KCNH8: variants seen among roughly 807,000 people sequenced by gnomAD.
KCNH8 encodes potassium voltage-gated channel subfamily H member 8.
In KCNH8, 70 loss-of-function variants were observed where a neutral mutation model predicts 103.6. The ratio of observed to expected loss-of-function variants is 0.68; its 90% CI spans 0.56 to 0.82. The LOEUF (loss-of-function observed/expected upper bound fraction) is 0.82, where lower values mean the gene tolerates loss of function less well. Among genes scored for constraint, KCNH8 ranks in the 40% least tolerant of loss-of-function variants. The probability of loss-of-function intolerance (pLI) is 0.00; values close to 1 mark genes in which losing one functional copy is unlikely to be tolerated. For missense variants in KCNH8, 1,217 were observed against 1,329.9 expected (o/e 0.92, Z 1.32); for synonymous variants, 498 against 489.4 (o/e 1.02, Z -0.23).
At position 19,390,471 on chromosome 3, in the gene KCNH8, T is replaced by C. The variant is rs745844874; in HGVS notation, c.812-10T>C. The C allele has an allele frequency of 5.6e-6, 9 of 1,599,288 alleles. 1 individual carries two copies. The highest frequency in any genetic ancestry group is 5.6e-5 in the South Asian group (5 of 89,858). ...TCCTTTTATTTCTCAACCTTTTTTT[T>C]CCCAAGCAGATATTATTTTAAATTT... On this transcript the variant is annotated splice_polypyrimidine_tract_variant and intron_variant, in intron 5 of 15. Transcript: ENST00000328405.
At chr3:19,284,552 T>A (rs112484657) in intron 3 of KCNH8, among the ~76,000 whole-genome samples, 5,219 of 135,292 alleles carry the variant, frequency 0.039, 317 homozygotes, top group African/African-American at 0.13. Flanking sequence ...TGTGTGTGTG[T>A]GAGGGAGAGA....
chr3:19,389,579 G>C (rs139754875), intron 5 of KCNH8, among the ~76,000 whole-genome samples: 1 of 151,982 alleles, frequency 6.6e-6, no homozygotes, highest in Admixed American at 6.6e-5. Flanking sequence ...ATGGAAATAA[G>C]TAATATTATA....
chr3:19,220,190 T>G (rs149869013), intron 1 of KCNH8, among the ~76,000 whole-genome samples: 1 of 152,152 alleles, frequency 6.6e-6, no homozygotes, highest in Non-Finnish European at 1.5e-5. Flanking sequence ...GCCATTGCTG[T>G]TTTTCATTCT....
intron 15 of KCNH8, among the ~76,000 whole-genome samples, chr3:19,525,780 A>G (rs928989337): frequency 1.6e-4 from 25 of 151,960 alleles, no homozygotes; most frequent in African/African-American, 6.0e-4. Context: ...GTGACCTAGA[A>G]CAAGCCATTT....
Position 19,361,878 on chromosome 3 carries a change from T to G in KCNH8, c.811+13913T>G, listed in dbSNP as rs1471373056. Among the ~76,000 whole-genome samples, 7 of 152,236 alleles carry G rather than the reference T, an allele frequency of 4.6e-5. No individual in the cohort carries two copies. The South Asian group carries it at 6.2e-4, about 14-fold the overall frequency. Reference sequence around the variant, plus strand: ...TTTAGTATTAACTTTAGTGACATAATTAGGGCAGGTATATATTTGTATACA... The same window carrying G: ...TTTAGTATTAACTTTAGTGACATAAGTAGGGCAGGTATATATTTGTATACA... On this transcript the variant is annotated intron_variant, in intron 5 of 15. Coordinates refer to ENST00000328405, the MANE Select transcript of KCNH8 (RefSeq NM_144633.3).
intron 7 of KCNH8, among the ~76,000 whole-genome samples, chr3:19,416,360 G>A (rs566266788): frequency 6.6e-6 from 1 of 151,944 alleles, no homozygotes; most frequent in African/African-American, 2.4e-5. Flanking sequence ...ATTTTATTTG[G>A]TGCTTTTTCA....
intron 1 of KCNH8, among the ~76,000 whole-genome samples, chr3:19,189,287 G>A (rs533843972): frequency 6.6e-6 from 1 of 151,832 alleles, no homozygotes; most frequent in Non-Finnish European, 1.5e-5. Flanking sequence ...ATATTGTTTT[G>A]TTTACTATTT....
intron 8 of KCNH8, among the ~76,000 whole-genome samples, chr3:19,440,508 T>G (rs1334611896): frequency 6.6e-6 from 1 of 152,154 alleles, no homozygotes; most frequent in Non-Finnish European, 1.5e-5. Flanking sequence ...AGAGAGCACG[T>G]GCAGGGGAAC....
At chr3:19,210,594 C>T (rs1417106128) in intron 1 of KCNH8, among the ~76,000 whole-genome samples, 1 of 151,974 alleles carries the variant, frequency 6.6e-6, no homozygotes, top group Non-Finnish European at 1.5e-5. Flanking sequence ...CAAGATTGTC[C>T]TTTTACTCCT....
At chr3:19,437,631 A>C (rs953796535) in intron 7 of KCNH8, among the ~76,000 whole-genome samples, 3 of 152,208 alleles carry the variant, frequency 2.0e-5, no homozygotes, top group Non-Finnish European at 4.4e-5. Context: ...GAGATTTGTA[A>C]AACAACTGGA....
intron 1 of KCNH8, among the ~76,000 whole-genome samples, chr3:19,183,509 A>G (rs2063475939): frequency 6.6e-6 from 1 of 152,216 alleles, no homozygotes. Flanking sequence ...AGTTAACATT[A>G]CAGATGAGTT....
At chr3:19,174,835 G>A (rs568957156) in intron 1 of KCNH8, among the ~76,000 whole-genome samples, 1 of 152,248 alleles carries the variant, frequency 6.6e-6, no homozygotes, top group African/African-American at 2.4e-5. Context: ...AATAGTATGT[G>A]CCTGTTTTGT....
In KCNH8 at chr3:19,148,748, C is replaced by A; in HGVS notation, c.29C>A (p.Pro10Gln). Reference sequence around the variant, plus strand: ...CCGGTTATGAAAGGATTACTGGCGCCGCAAAACACCTTCCTGGACACCATC... The same window carrying A: ...CCGGTTATGAAAGGATTACTGGCGCAGCAAAACACCTTCCTGGACACCATC... Reference protein sequence around the residue: MPVMKGLLAPQNTFLDTIAT... With the variant: MPVMKGLLAQQNTFLDTIAT... Residue 10 changes from proline (P) to glutamine (Q), a missense_variant, in exon 1 of 16, where the codon CCG (proline) becomes CAG (glutamine). Pro to Gln is a moderately conservative substitution (Grantham distance 76). Transcript: ENST00000328405. 2 of 1,614,162 alleles carry A rather than the reference C, an allele frequency of 1.2e-6. No homozygotes were observed. Among genetic ancestry groups the A allele is most frequent in the Non-Finnish European group, 1.7e-6 (2 of 1,180,030 alleles).
chr3:19,472,741 C>CATACCTACGTTA, intron 11 of KCNH8, among the ~76,000 whole-genome samples: 1 of 152,302 alleles, frequency 6.6e-6, no homozygotes, highest in East Asian at 1.9e-4. Context: ...AAGTGAATTA[C>CATACCTACGTTA]ATACCTACGT....
intron 11 of KCNH8, among the ~76,000 whole-genome samples, chr3:19,477,221 G>T (rs1420526481): frequency 6.6e-6 from 1 of 152,060 alleles, no homozygotes; most frequent in Non-Finnish European, 1.5e-5. Flanking sequence ...GCATGTGAAT[G>T]TTGAGATAAT....
intron 11 of KCNH8, among the ~76,000 whole-genome samples, chr3:19,485,372 T>A (rs2068183216): frequency 6.6e-6 from 1 of 152,236 alleles, no homozygotes; most frequent in African/African-American, 2.4e-5. Flanking sequence ...CATAAGCTTG[T>A]GTGCCAGGTG....
At chr3:19,254,846 G>A (rs929930083) in intron 2 of KCNH8, among the ~76,000 whole-genome samples, 2 of 152,040 alleles carry the variant, frequency 1.3e-5, no homozygotes, top group Admixed American at 1.3e-4. Context: ...CTAAGTTTTA[G>A]GCCAAGATAT....
intron 3 of KCNH8, among the ~76,000 whole-genome samples, chr3:19,309,586 A>G (rs771487096): frequency 7.6e-4 from 115 of 152,112 alleles, no homozygotes; most frequent in Non-Finnish European, 1.2e-3. Context: ...TAACTAACAT[A>G]TATTATTCTA....
intron 1 of KCNH8, among the ~76,000 whole-genome samples, chr3:19,194,636 A>G (rs1474312350): frequency 6.6e-6 from 1 of 151,818 alleles, no homozygotes; most frequent in Non-Finnish European, 1.5e-5. Flanking sequence ...TAGAGGGGAA[A>G]GATAAGGAGG....
Sources: gnomAD v4.1 joint callset for allele counts (sites outside exome capture counted in the v4.1 genomes callset) on GRCh38, gnomAD v4.1.1 for gene constraint, MANE v1.5 for transcripts, NCBI Gene and HGNC (gene_info 2026-07-23, HGNC 2026-07-21) for gene names.